TTC4: variants seen among roughly 807,000 people sequenced by gnomAD.
TTC4 encodes the protein hsp70/Hsp90 co-chaperone CNS1 homolog.
In TTC4, 36 loss-of-function variants were observed where a neutral mutation model predicts 51.9. That is an observed-to-expected ratio of 0.69 (90% CI 0.53 to 0.92). The LOEUF (loss-of-function observed/expected upper bound fraction) is 0.92, where lower values mean the gene tolerates loss of function less well. Among genes scored for constraint, TTC4 ranks in the 40% least tolerant of loss-of-function variants. The probability of loss-of-function intolerance (pLI) is 0.00; values close to 1 mark genes in which losing one functional copy is unlikely to be tolerated. For missense variants in TTC4, 399 were observed against 454.6 expected, an observed-to-expected ratio of 0.88 and a Z score of 1.11; for synonymous variants, 144 against 164.2, an observed-to-expected ratio of 0.88 and a Z score of 0.94.
chr1:54,733,515 C>T, intron 7 of TTC4, 114 bp from the exon 8 acceptor site: 1 of 685,206 alleles, frequency 1.5e-6, no homozygotes. Flanking sequence ...ATGGGTTAAG[C>T]CTGCATTTCA....
intron 9 of TTC4, among the ~76,000 whole-genome samples, chr1:54,738,395 C>T (rs1018972418): frequency 6.6e-5 from 10 of 152,256 alleles, no homozygotes; most frequent in African/African-American, 1.7e-4. Context: ...AGGCACCATC[C>T]GAGGAGTAGA....
intron 7 of TTC4, among the ~76,000 whole-genome samples, chr1:54,732,581 C>G (rs576945306): frequency 6.6e-6 from 1 of 151,494 alleles, no homozygotes; most frequent in Non-Finnish European, 1.5e-5. Flanking sequence ...GCCTCAGCCT[C>G]TCAAGTAGCT....
At chr1:54,730,235 T>A (rs11802570) in intron 6 of TTC4, among the ~76,000 whole-genome samples, 17,811 of 151,614 alleles carry the variant, frequency 0.12, 1,743 homozygotes, top group African/African-American at 0.26. Flanking sequence ...GTTTTCTTAA[T>A]TGTAGAATAT....
chr1:54,720,267 G>T (rs946422084), intron 3 of TTC4, among the ~76,000 whole-genome samples: 3 of 152,010 alleles, frequency 2.0e-5, no homozygotes, highest in African/African-American at 7.3e-5. Context: ...CATGTGGCCT[G>T]CAACACCTAA....
intron 5 of TTC4, among the ~76,000 whole-genome samples, 156 bp downstream of exon 5, chr1:54,722,955 G>A (rs1330359323): frequency 1.3e-5 from 2 of 152,210 alleles, no homozygotes; most frequent in African/African-American, 4.8e-5. Context: ...CAAGTAAACA[G>A]TTATAGTGTG....
chr1:54,739,920 T>C (rs184101156), intron 9 of TTC4, among the ~76,000 whole-genome samples: 15 of 152,318 alleles, frequency 9.8e-5, no homozygotes, highest in Admixed American at 3.9e-4. Context: ...GTACAGTGGC[T>C]CATACCTATA....
At chr1:54,740,456 A>G (rs1645998382) in intron 9 of TTC4, among the ~76,000 whole-genome samples, 2 of 152,016 alleles carry the variant, frequency 1.3e-5, no homozygotes, top group Admixed American at 6.6e-5. Context: ...TTAGCTGCTC[A>G]TTTTCTCAGT....
At chr1:54,739,896 A>G (rs957590054) in intron 9 of TTC4, among the ~76,000 whole-genome samples, 13 of 152,216 alleles carry the variant, frequency 8.5e-5, no homozygotes, top group African/African-American at 2.9e-4. Flanking sequence ...TAAAAGATGT[A>G]CAGAATAGGC....
Position 54,717,539 on chromosome 1 carries a change from A to G in TTC4, c.277A>G (p.Lys93Glu), listed in dbSNP as rs149927773. The G allele has an allele frequency of 2.3e-4, 364 of 1,609,668 alleles. 2 individuals are homozygous for G. The Middle Eastern group carries it at 2.3e-3, about 10-fold the overall frequency. ...KDEGNDYFKE[K>E]DYKKAVISYT... ...TGAGGGCAATGATTACTTTAAAGAA[A>G]AAGACTACAAGAAAGCTGTAATTTC... The change falls in exon 3 of 10, where the codon AAA becomes GAA. Residue 93 changes from lysine to glutamate, a missense_variant. Transcript: ENST00000371281.
At position 54,716,582 on chromosome 1, in the gene TTC4, A is replaced by G. The variant is rs1168713623; in HGVS notation, c.112-18A>G. ...GTAGAAAAGCTTATTCATGTAGTTCATTCTTAACCATTTACAGGAATTTGA... is the reference window on the plus strand; with the variant it reads ...GTAGAAAAGCTTATTCATGTAGTTCGTTCTTAACCATTTACAGGAATTTGA... On this transcript the variant is annotated intron_variant, in intron 1 of 9. Transcript: ENST00000371281. 1.3e-6 allele frequency: 2 copies of G among 1,588,394 alleles called. No individual in the cohort carries two copies. The highest frequency in any genetic ancestry group is 2.7e-5 in the African/African-American group (2 of 74,084).
At chr1:54,721,876 T>C (rs768490401) in intron 4 of TTC4, among the ~76,000 whole-genome samples, 7 of 152,174 alleles carry the variant, frequency 4.6e-5, no homozygotes, top group Non-Finnish European at 1.0e-4. Context: ...TGAACAAAGA[T>C]TGGCTGATAA....
intron 5 of TTC4, among the ~76,000 whole-genome samples, chr1:54,725,365 A>T (rs1234645855): frequency 2.0e-5 from 3 of 152,242 alleles, no homozygotes; most frequent in African/African-American, 7.2e-5. Context: ...AAAGCTTAAA[A>T]GGAAAAACTG....
chr1:54,720,811 A>G (rs1645734222), intron 3 of TTC4, among the ~76,000 whole-genome samples: 1 of 152,210 alleles, frequency 6.6e-6, no homozygotes, highest in Non-Finnish European at 1.5e-5. Flanking sequence ...TATGTACAAA[A>G]TACATGCTAA....
chr1:54,724,814 T>A (rs184406258), intron 5 of TTC4, among the ~76,000 whole-genome samples: 89 of 152,282 alleles, frequency 5.8e-4, no homozygotes, highest in African/African-American at 2.1e-3. Flanking sequence ...ACCTTTACAA[T>A]TTTTCTCCTC....
At chr1:54,740,604 TAC>T (rs968164652) in intron 9 of TTC4, among the ~76,000 whole-genome samples, 1 of 152,132 alleles carries the variant, frequency 6.6e-6, no homozygotes, top group Non-Finnish European at 1.5e-5. Flanking sequence ...TGTTGGAAGT[TAC>T]TACCTTTAAA....
intron 9 of TTC4, among the ~76,000 whole-genome samples, chr1:54,739,501 G>A (rs965603346): frequency 2.0e-5 from 3 of 152,322 alleles, no homozygotes; most frequent in African/African-American, 7.2e-5. Context: ...AAGTGCTGTT[G>A]TAAACTGCAC....
chr1:54,737,147 C>T (rs1459461559), intron 8 of TTC4: 1 of 157,490 alleles, frequency 6.3e-6, no homozygotes, highest in Non-Finnish European at 1.4e-5. Flanking sequence ...GTGCAGGCGT[C>T]TTCCTCACCC....
chr1:54,718,450 T>C (rs1459083604), intron 3 of TTC4, among the ~76,000 whole-genome samples: 2 of 152,162 alleles, frequency 1.3e-5, no homozygotes, highest in African/African-American at 4.8e-5. Flanking sequence ...GGTTTTGCCA[T>C]GTTGCCCGGG....
intron 7 of TTC4, 76 bp downstream of exon 7, chr1:54,731,776 TTTTTGGTTGAGAAGGGAAGA>T: frequency 7.0e-7 from 1 of 1,429,450 alleles, no homozygotes; most frequent in Non-Finnish European, 9.6e-7. Context: ...GACGAGTGGA[TTTTTGGTTGAGAAGGGAAGA>T]TAATGGTTTA....
Sources: gnomAD v4.1 joint callset for allele counts (sites outside exome capture counted in the v4.1 genomes callset) on GRCh38, gnomAD v4.1.1 for gene constraint, MANE v1.5 for transcripts, NCBI Gene and HGNC (gene_info 2026-07-23, HGNC 2026-07-21) for gene names.